Variants in RAB31 observed in about 807,000 individuals in gnomAD.
RAB31 encodes ras-related protein Rab-31.
A neutral mutation model predicts 25.6 loss-of-function variants in RAB31; 21 were observed. The observed-to-expected ratio is 0.82, with a 90% CI of 0.58 to 1.18. The LOEUF (loss-of-function observed/expected upper bound fraction) is 1.18. Among genes scored for constraint, RAB31 ranks in the 50% most tolerant of loss-of-function variants. The probability of loss-of-function intolerance (pLI) is 0.00; values close to 1 mark genes in which losing one functional copy is unlikely to be tolerated. For missense variants in RAB31, 196 were observed against 250.1 expected (o/e 0.78, Z 1.46); for synonymous variants, 87 against 84.0 (o/e 1.04, Z -0.20).
In RAB31 at chr18:9,752,913, T is replaced by C. The variant is rs1437934845; in HGVS notation, c.40-22365T>C. Among the ~76,000 whole-genome samples the C allele has an allele frequency of 2.6e-5, 4 of 152,322 alleles. No homozygotes were observed. In the East Asian group the frequency reaches 5.8e-4, roughly 22 times the overall value. On this transcript the variant is annotated intron_variant, in intron 1 of 6. Transcript: ENST00000578921. The stretch of plus-strand genomic sequence containing the variant: ...GTTCATACAAGGCACAGATCATATC[T>C]TGATAAACACATACTACACATTTTC...
At chr18:9,717,751 G>T (rs749746477) in intron 1 of RAB31, among the ~76,000 whole-genome samples, 15 of 152,162 alleles carry the variant, frequency 9.9e-5, no homozygotes, top group Non-Finnish European at 1.9e-4. Flanking sequence ...AGTATGTGGA[G>T]TATCACATAA....
intron 6 of RAB31, among the ~76,000 whole-genome samples, chr18:9,855,126 C>T (rs2068809082): frequency 6.6e-6 from 1 of 152,190 alleles, no homozygotes; most frequent in African/African-American, 2.4e-5. Context: ...TGCATGACAG[C>T]CCAGTTCCGA....
rs191236428 is a variant in RAB31 at position 9,853,160 on chromosome 18, C to A, written c.491-6068C>A. 2.9e-3 allele frequency among the ~76,000 whole-genome samples: 442 copies of A among 151,728 alleles called. 4 individuals are homozygous for A. The highest frequency in any genetic ancestry group is 8.8e-3 in the African/African-American group (364 of 41,448). On this transcript the variant is annotated intron_variant, in intron 6 of 6. Transcript: ENST00000578921. ...CAGATATTTGTTTTTCAATTATTTT[C>A]TCCCAAGCTGTGGCTTGTCTTCATT...
At chr18:9,834,265 G>T (rs779595810) in intron 5 of RAB31, among the ~76,000 whole-genome samples, 1 of 152,074 alleles carries the variant, frequency 6.6e-6, no homozygotes, top group Admixed American at 6.6e-5. Flanking sequence ...ACAGGCGCCC[G>T]CCACCACGCC....
chr18:9,826,687 A>G (rs2068651536), intron 5 of RAB31, among the ~76,000 whole-genome samples: 1 of 152,234 alleles, frequency 6.6e-6, no homozygotes, highest in Admixed American at 6.5e-5. Flanking sequence ...AAACTGAAGT[A>G]ATGTATGATC....
intron 1 of RAB31, among the ~76,000 whole-genome samples, chr18:9,770,294 AT>A (rs2068337744): frequency 6.6e-6 from 1 of 152,174 alleles, no homozygotes; most frequent in Non-Finnish European, 1.5e-5. Context: ...GGGAGGTATC[AT>A]TCTTAATCTG....
chr18:9,740,482 G>A (rs1304990415), intron 1 of RAB31, among the ~76,000 whole-genome samples: 1 of 152,230 alleles, frequency 6.6e-6, no homozygotes, highest in East Asian at 1.9e-4. Context: ...GGGAGGCCGA[G>A]GAAGGTGGAT....
At chr18:9,802,446 G>A (rs1358430556) in intron 3 of RAB31, among the ~76,000 whole-genome samples, 1 of 152,182 alleles carries the variant, frequency 6.6e-6, no homozygotes, top group Non-Finnish European at 1.5e-5. Flanking sequence ...AGGCCAAGGT[G>A]GAAGGATAGC....
intron 5 of RAB31, 66 bp from the exon 6 acceptor site, chr18:9,845,516 C>CTTTT: frequency 7.2e-7 from 1 of 1,393,934 alleles, no homozygotes; most frequent in Non-Finnish European, 9.5e-7. Context: ...GCTGTCTGGT[C>CTTTT]TTTTGGGTGA....
chr18:9,775,186 C>A, intron 1 of RAB31, 92 bp from the exon 2 acceptor site: 3 of 1,584,920 alleles, frequency 1.9e-6, no homozygotes, highest in South Asian at 2.3e-5. Flanking sequence ...AATAGCCAGT[C>A]GTGTCCTCTG....
At chr18:9,727,262 A>G (rs2068100203) in intron 1 of RAB31, among the ~76,000 whole-genome samples, 1 of 152,230 alleles carries the variant, frequency 6.6e-6, no homozygotes, top group African/African-American at 2.4e-5. Context: ...GTTGGAAAGC[A>G]GTGTCTTCAG....
At position 9,708,497 on chromosome 18, in the gene RAB31, C is replaced by A; in HGVS notation, c.39+53C>A. 1.4e-6 allele frequency: 2 copies of A among 1,475,090 alleles called. No individual in the cohort carries two copies. Among genetic ancestry groups the A allele is most frequent in the Non-Finnish European group, 1.8e-6 (2 of 1,094,126 alleles). 91.4% of individuals were successfully genotyped at this position (1,475,090 alleles called of 1,614,324 possible). On this transcript the variant is annotated intron_variant, in intron 1 of 6. Coordinates refer to ENST00000578921, the MANE Select transcript of RAB31 (RefSeq NM_006868.4). The surrounding 1 kb of genome is among the most constrained non-coding windows in gnomAD (Gnocchi z 6.4). ...GACCCCGGCCCGCGCTCTCGCGCCC[C>A]TTCGCTCCCCTATTCCCTGCGCGCT...
intron 1 of RAB31, among the ~76,000 whole-genome samples, chr18:9,711,992 A>G (rs1047149556): frequency 1.3e-5 from 2 of 152,204 alleles, no homozygotes; most frequent in Non-Finnish European, 2.9e-5. Flanking sequence ...TCTTTGCTGT[A>G]GTTTCCTGCT....
intron 1 of RAB31, among the ~76,000 whole-genome samples, chr18:9,754,634 A>G (rs563461817): frequency 3.1e-4 from 47 of 152,326 alleles, no homozygotes; most frequent in African/African-American, 7.9e-4. Flanking sequence ...AACTATTTAC[A>G]TAGCATTTAT....
intron 1 of RAB31, among the ~76,000 whole-genome samples, chr18:9,730,793 A>G (rs1335251940): frequency 6.6e-5 from 10 of 152,250 alleles, no homozygotes; most frequent in South Asian, 2.1e-4. Flanking sequence ...AGTTCTGCAC[A>G]GGGTGGCTGG....
At chr18:9,832,090 T>G (rs1315400288) in intron 5 of RAB31, among the ~76,000 whole-genome samples, 1 of 152,122 alleles carries the variant, frequency 6.6e-6, no homozygotes, top group Non-Finnish European at 1.5e-5. Context: ...GATCTGGGCG[T>G]GCACTGCTGT....
intron 1 of RAB31, among the ~76,000 whole-genome samples, chr18:9,738,956 C>T (rs1353131971): frequency 2.0e-5 from 3 of 152,172 alleles, no homozygotes; most frequent in Non-Finnish European, 4.4e-5. Flanking sequence ...GAATCAGTGG[C>T]TTGCTTGGTG....
chr18:9,767,598 C>T (rs1449576967), intron 1 of RAB31, among the ~76,000 whole-genome samples: 1 of 152,110 alleles, frequency 6.6e-6, no homozygotes, highest in Non-Finnish European at 1.5e-5. Context: ...GATTTTAAGG[C>T]CCTTTTCACG....
chr18:9,742,472 G>A (rs1247380141), intron 1 of RAB31, among the ~76,000 whole-genome samples: 1 of 152,218 alleles, frequency 6.6e-6, no homozygotes, highest in African/African-American at 2.4e-5. Flanking sequence ...CCTGAGTGTG[G>A]GGGCTGCTTG....
Sources: gnomAD v4.1 joint callset for allele counts (sites outside exome capture counted in the v4.1 genomes callset) on GRCh38, gnomAD v4.1.1 for gene constraint, Gnocchi (gnomAD v3.1) non-coding constraint, MANE v1.5 for transcripts, NCBI Gene and HGNC (gene_info 2026-07-23, HGNC 2026-07-21) for gene names.